Variants in MAF observed in about 807,000 individuals in gnomAD.
The protein encoded by MAF is transcription factor Maf.
A neutral mutation model predicts 22.0 loss-of-function variants in MAF; 10 were observed. The ratio of observed to expected loss-of-function variants is 0.45; its 90% confidence interval spans 0.28 to 0.77. MAF has a LOEUF of 0.77. Among genes scored for constraint, MAF ranks in the 30% least tolerant of loss-of-function variants. The pLI is 0.12. For synonymous variants in MAF, 337 were observed against 255.8 expected, an observed-to-expected ratio of 1.32 and a Z score of -3.03; for missense variants, 544 against 548.4, an observed-to-expected ratio of 0.99 and a Z score of 0.08.
the MAF span, among the ~76,000 whole-genome samples, chr16:79,391,689 G>T: frequency 4.0e-3 from 612 of 152,278 alleles, 21 homozygotes; most frequent in East Asian, 0.077. Flanking sequence ...CCTCCAGGAG[G>T]GGCTTGATAA....
downstream of MAF, among the ~76,000 whole-genome samples, chr16:79,581,404 G>C (rs937520105): frequency 1.3e-5 from 2 of 152,258 alleles, no homozygotes; most frequent in African/African-American, 2.4e-5. Context: ...TTTGCAGAGG[G>C]GGGAGTCAAC....
At chr16:79,258,541 CTGTT>C in the MAF span, among the ~76,000 whole-genome samples, 1 of 152,198 alleles carries the variant, frequency 6.6e-6, no homozygotes, top group Non-Finnish European at 1.5e-5. Context: ...CTTCTCCAGC[CTGTT>C]TGTTCTCCTG....
the MAF span, among the ~76,000 whole-genome samples, chr16:79,533,190 AG>A: frequency 6.6e-6 from 1 of 152,170 alleles, no homozygotes; most frequent in African/African-American, 2.4e-5. Flanking sequence ...TATGCCTTAA[AG>A]GGCTCTACTC....
the MAF span, among the ~76,000 whole-genome samples, chr16:79,292,670 A>T: frequency 6.6e-6 from 1 of 152,278 alleles, no homozygotes; most frequent in South Asian, 2.1e-4. Flanking sequence ...CCGGGAAGTT[A>T]GGCATTCTAA....
chr16:79,252,208 A>G, the MAF span, among the ~76,000 whole-genome samples: 1 of 152,092 alleles, frequency 6.6e-6, no homozygotes, highest in Non-Finnish European at 1.5e-5. Context: ...TGTCGCAACT[A>G]CTTAATTCTG....
the MAF span, among the ~76,000 whole-genome samples, chr16:79,555,603 G>T: frequency 6.6e-6 from 1 of 152,152 alleles, no homozygotes; most frequent in Non-Finnish European, 1.5e-5. Flanking sequence ...AAAATTTGAA[G>T]TCCAAAATGC....
chr16:79,208,848 C>G, the MAF span, among the ~76,000 whole-genome samples: 1 of 152,124 alleles, frequency 6.6e-6, no homozygotes, highest in Non-Finnish European at 1.5e-5. Context: ...TGAAAATTCT[C>G]CAAGAGACCA....
the MAF span, among the ~76,000 whole-genome samples, chr16:79,220,444 G>A: frequency 2.6e-5 from 4 of 151,738 alleles, no homozygotes; most frequent in Admixed American, 1.3e-4. Flanking sequence ...TTATATAGTT[G>A]TGATTATATT....
At position 79,599,861 on chromosome 16, in the gene MAF, G is replaced by C; in HGVS notation, c.42C>G (p.Thr14=). ...TAACATATTCCATGGCCAGGGGACT[G>C]GTGGGCAGGTCGGAGTTGCTCATTG... is the stretch of plus-strand genomic sequence containing the variant. ...ELAMSNSDLP[T]SPLAMEYVND... is the part of the protein sequence containing the mutation. The change falls in exon 1 of 2, where the codon ACC becomes ACG. Residue 14 remains threonine, a synonymous_variant. Transcript: ENST00000326043. The C allele has an allele frequency of 2.5e-6, 4 of 1,608,932 alleles. No homozygotes were observed. The highest frequency in any genetic ancestry group is 3.4e-6 in the Non-Finnish European group (4 of 1,179,886).
At chr16:79,320,868 T>G in the MAF span, among the ~76,000 whole-genome samples, 4 of 152,226 alleles carry the variant, frequency 2.6e-5, no homozygotes, top group Admixed American at 6.5e-5. Flanking sequence ...GAGAACCCCA[T>G]GCAGGAGGTA....
At chr16:79,210,540 A>G in the MAF span, among the ~76,000 whole-genome samples, 2 of 152,054 alleles carry the variant, frequency 1.3e-5, no homozygotes, top group East Asian at 3.9e-4. Flanking sequence ...ATCTTCAGTT[A>G]CCTTTTCCGG....
downstream of MAF, among the ~76,000 whole-genome samples, chr16:79,582,686 T>C (rs913167795): frequency 6.6e-6 from 1 of 152,190 alleles, no homozygotes; most frequent in East Asian, 1.9e-4. Context: ...TAAATCCAAA[T>C]AATAAAATGC....
At chr16:79,518,939 A>G in the MAF span, among the ~76,000 whole-genome samples, 1 of 152,182 alleles carries the variant, frequency 6.6e-6, no homozygotes, top group African/African-American at 2.4e-5. Flanking sequence ...AAATAAATAA[A>G]TAAGTAAATA....
the MAF span, among the ~76,000 whole-genome samples, chr16:79,404,353 T>A: frequency 5.5e-4 from 84 of 152,104 alleles, no homozygotes; most frequent in Admixed American, 4.6e-4. Context: ...TAGTAGAGAC[T>A]GGGTTTCACC....
chr16:79,549,034 G>T, the MAF span, among the ~76,000 whole-genome samples: 135,310 of 152,186 alleles, frequency 0.89, 60,717 homozygotes, highest in South Asian at 0.96. Flanking sequence ...GACAAACACT[G>T]TTCCAGCCTG....
the MAF span, among the ~76,000 whole-genome samples, chr16:79,580,437 A>G: frequency 3.9e-5 from 6 of 152,216 alleles, no homozygotes; most frequent in African/African-American, 1.2e-4. Context: ...TCACTGACAA[A>G]TAAGATGAGG....
chr16:79,353,751 G>A, the MAF span, among the ~76,000 whole-genome samples: 1 of 152,106 alleles, frequency 6.6e-6, no homozygotes, highest in Admixed American at 6.5e-5. Flanking sequence ...AGCCCAGACA[G>A]GATTTAAATC....
chr16:79,538,563 T>C, the MAF span, among the ~76,000 whole-genome samples: 3 of 152,282 alleles, frequency 2.0e-5, no homozygotes, highest in African/African-American at 7.2e-5. Flanking sequence ...CTAAATATTA[T>C]ACATGTAAAA....
At chr16:79,472,507 G>A in the MAF span, among the ~76,000 whole-genome samples, 6 of 152,094 alleles carry the variant, frequency 3.9e-5, no homozygotes, top group Non-Finnish European at 8.8e-5. Flanking sequence ...CTAAGTGAAA[G>A]AAGCCAGGTA....
Sources: allele counts gnomAD v4.1 joint callset (sites outside exome capture counted in the v4.1 genomes callset), GRCh38; gene constraint gnomAD v4.1.1; transcripts MANE v1.5; gene names NCBI Gene and HGNC (gene_info 2026-07-23, HGNC 2026-07-21).